CASS4: variants seen among roughly 807,000 people sequenced by gnomAD.
The protein encoded by CASS4 is Cas scaffold protein family member 4, also known as cas scaffolding protein family member 4.
A neutral mutation model predicts 54.2 loss-of-function variants in CASS4; 22 were observed. The observed-to-expected ratio is 0.41, with a 90% CI of 0.29 to 0.58. CASS4 has a LOEUF of 0.58. Among genes scored for constraint, CASS4 ranks in the 20% least tolerant of loss-of-function variants. The pLI is 0.36. For missense variants in CASS4, 854 were observed against 986.7 expected (o/e 0.87, Z 1.80); for synonymous variants, 409 against 391.5 (o/e 1.04, Z -0.53).
intron 2 of CASS4, among the ~76,000 whole-genome samples, chr20:56,445,570 G>A (rs1472004505): frequency 1.3e-5 from 2 of 152,218 alleles, no homozygotes; most frequent in East Asian, 3.9e-4. Context: ...TGTTAACACT[G>A]CAGGTTCCCG....
rs539446230 is a variant in CASS4, at chr20:56,437,914, C to T, written c.459+328C>T. Among the ~76,000 whole-genome samples, 4 of 152,144 alleles carry T rather than the reference C, an allele frequency of 2.6e-5. No homozygotes were observed. The highest frequency in any genetic ancestry group is 5.9e-5 in the Non-Finnish European group (4 of 68,026). On this transcript the variant is annotated intron_variant, in intron 2 of 5. Transcript: ENST00000679887. The surrounding 1 kb of genome is among the most constrained non-coding windows in gnomAD (Gnocchi z 4.7). Reference sequence around the variant, plus strand: ...GCACCCTTTTCACAGGATGAAGGATCACCAGGACTGCCAGTGACAAATGGG... The same window carrying T: ...GCACCCTTTTCACAGGATGAAGGATTACCAGGACTGCCAGTGACAAATGGG...
Position 56,437,366 on chromosome 20 carries a change from G to T in CASS4, c.239G>T (p.Cys80Phe). ...ACGGAGGTCGCTGCAGACAGGCCGTGCCCCCCATTCCTGAGAGGCCTGGAA... is the reference window on the plus strand; with the variant it reads ...ACGGAGGTCGCTGCAGACAGGCCGTTCCCCCCATTCCTGAGAGGCCTGGAA... The part of the protein sequence containing the change: ...ILTEVAADRP[C>F]PPFLRGLEEA... Residue 80 changes from cysteine (C) to phenylalanine (F), a missense_variant, in exon 2 of 6, where the codon TGC becomes TTC. Physicochemically the swap from Cys to Phe is radical, Grantham distance 205. Coordinates refer to ENST00000679887, the MANE Select transcript of CASS4 (RefSeq NM_020356.4). The surrounding 1 kb of genome is among the most constrained non-coding windows in gnomAD (Gnocchi z 4.7). The T allele has an allele frequency of 5.6e-6, 9 of 1,614,128 alleles. No individual in the cohort carries two copies. Among genetic ancestry groups the T allele is most frequent in the Non-Finnish European group, 7.6e-6 (9 of 1,180,006 alleles).
chr20:56,425,657 T>G (rs1311526519), intron 1 of CASS4, among the ~76,000 whole-genome samples: 1 of 152,240 alleles, frequency 6.6e-6, no homozygotes, highest in Non-Finnish European at 1.5e-5. Context: ...AAGCAGCTGC[T>G]TAAATTCACC....
In CASS4 at chr20:56,412,818, T is replaced by G. The variant is rs775104414; in HGVS notation, c.36+324T>G. Among the ~76,000 whole-genome samples, 11 of 152,154 alleles carry G rather than the reference T, an allele frequency of 7.2e-5. No individual in the cohort carries two copies. Among genetic ancestry groups the G allele is most frequent in the Non-Finnish European group, 1.3e-4 (9 of 68,024 alleles). On this transcript the variant is annotated intron_variant, in intron 1 of 5. Coordinates refer to ENST00000679887, the MANE Select transcript of CASS4 (RefSeq NM_020356.4). The surrounding 1 kb of genome is among the most constrained non-coding windows in gnomAD (Gnocchi z 4.2). Reference sequence around the variant, plus strand: ...GCCTCAGCCCCCGCTAATTCCTTCTTTCTCTGGACCCCAAAGACACTCAGT... The same window carrying G: ...GCCTCAGCCCCCGCTAATTCCTTCTGTCTCTGGACCCCAAAGACACTCAGT...
intron 4 of CASS4, among the ~76,000 whole-genome samples, chr20:56,451,120 C>T (rs1255780829): frequency 6.6e-6 from 1 of 151,870 alleles, no homozygotes; most frequent in African/African-American, 2.4e-5. Context: ...GAGGTAAAAC[C>T]TCTCATTGCA....
chr20:56,426,285 T>TCA (rs1161868191), intron 1 of CASS4, among the ~76,000 whole-genome samples: 3 of 152,222 alleles, frequency 2.0e-5, no homozygotes, highest in African/African-American at 7.2e-5. Flanking sequence ...AGATGTTAGT[T>TCA]ATAGTACCTG....
chr20:56,444,538 G>C (rs1213489857), intron 2 of CASS4, among the ~76,000 whole-genome samples: 1 of 152,096 alleles, frequency 6.6e-6, no homozygotes, highest in African/African-American at 2.4e-5. Context: ...AAAAATGTGC[G>C]CATTCCTAGT....
chr20:56,412,271 T>C lies in CASS4; in HGVS notation c.-188T>C, dbSNP rs572400550. 7.7e-6 allele frequency: 5 copies of C among 645,628 alleles called. No individual in the cohort carries two copies. Among genetic ancestry groups the C allele is most frequent in the Admixed American group, 2.8e-5 (1 of 35,884 alleles). 40.0% of individuals were successfully genotyped at this position (645,628 alleles called of 1,614,324 possible). On this transcript the variant is annotated 5_prime_UTR_variant, in exon 1 of 6. Coordinates refer to ENST00000679887, the MANE Select transcript of CASS4 (RefSeq NM_020356.4). This position sits in a 1 kb window ranked among gnomAD's most constrained non-coding sequence, Gnocchi z 4.2. ...TGCTTCACTGCTTTCATTTTACTCTTATCGTGCTTTCCAGAAAGTTTGCCT... is the reference window on the plus strand; with the variant it reads ...TGCTTCACTGCTTTCATTTTACTCTCATCGTGCTTTCCAGAAAGTTTGCCT...
At position 56,452,087 on chromosome 20, in the gene CASS4, T is replaced by G; in HGVS notation, c.911T>G (p.Leu304Arg). 6.2e-7 allele frequency: 1 copy of G among 1,614,140 alleles called. No homozygotes were observed. The highest frequency in any genetic ancestry group is 8.5e-7 in the Non-Finnish European group (1 of 1,180,034). Residue 304 changes from leucine to arginine, a missense_variant, in exon 5 of 6, where the codon CTC becomes CGC. Transcript: ENST00000679887. The part of the protein sequence containing the change: ...LNNNVPMQKK[L>R]SLPEIPSYGF... ...AACAATGTGCCCATGCAGAAAAAAC[T>G]CAGCCTTCCAGAAATTCCTTCTTAT...
At chr20:56,438,148 A>C (rs559748537) in intron 2 of CASS4, among the ~76,000 whole-genome samples, 3 of 151,966 alleles carry the variant, frequency 2.0e-5, no homozygotes, top group Non-Finnish European at 4.4e-5. Flanking sequence ...ATTAGCCAGC[A>C]TAGTAGCACA....
chr20:56,456,701 C>A (rs1330505319), intron 5 of CASS4, among the ~76,000 whole-genome samples: 1 of 150,792 alleles, frequency 6.6e-6, no homozygotes, highest in Non-Finnish European at 1.5e-5. Context: ...TTTTTTGAGA[C>A]AGTGTTTTGC....
rs1186815885 is a variant in CASS4, at chr20:56,452,221, A to G, written c.1045A>G (p.Ile349Val). The change falls in exon 5 of 6, where the codon ATT (isoleucine) becomes GTT (valine). Residue 349 changes from isoleucine (I) to valine (V), a missense_variant. Transcript: ENST00000679887. Reference protein sequence around the residue: ...RVEQQNTKPNIYDIPKATSSV... With the variant: ...RVEQQNTKPNVYDIPKATSSV... ...GGAACAGCAGAACACCAAGCCCAAT[A>G]TTTATGACATCCCTAAAGCAACGTC... 1 of 1,614,096 alleles carries G rather than the reference A, an allele frequency of 6.2e-7. No homozygotes were observed. Among genetic ancestry groups the G allele is most frequent in the South Asian group, 1.1e-5 (1 of 91,086 alleles).
intron 1 of CASS4, among the ~76,000 whole-genome samples, chr20:56,425,887 A>G (rs1365791381): frequency 6.6e-6 from 1 of 152,222 alleles, no homozygotes; most frequent in East Asian, 1.9e-4. Context: ...GAAAGATGCT[A>G]TACTTATAAA....
chr20:56,430,363 T>A lies in CASS4; in HGVS notation c.37-6801T>A, dbSNP rs1979847109. 6.6e-6 allele frequency among the ~76,000 whole-genome samples: 1 copy of A among 152,228 alleles called. No individual in the cohort carries two copies. Among genetic ancestry groups the A allele is most frequent in the Admixed American group, 6.5e-5 (1 of 15,284 alleles). On this transcript the variant is annotated intron_variant, in intron 1 of 5. Transcript: ENST00000679887. The surrounding 1 kb of genome is among the most constrained non-coding windows in gnomAD (Gnocchi z 4.2). ...TATGAAGATGGGCATTTGGGGGAAATGTCCTTTTTGGAAATCGTTTAAGAA... is the reference window on the plus strand; with the variant it reads ...TATGAAGATGGGCATTTGGGGGAAAAGTCCTTTTTGGAAATCGTTTAAGAA...
intron 3 of CASS4, among the ~76,000 whole-genome samples, chr20:56,446,884 C>T (rs1372807476): frequency 6.6e-6 from 1 of 152,126 alleles, no homozygotes; most frequent in Admixed American, 6.6e-5. Flanking sequence ...TTCAAGCAGG[C>T]TCTGTGACTT....
At chr20:56,427,917 TTAG>T (rs1979720986) in intron 1 of CASS4, among the ~76,000 whole-genome samples, 1 of 152,174 alleles carries the variant, frequency 6.6e-6, no homozygotes, top group South Asian at 2.1e-4. Context: ...AAGAAGGATC[TTAG>T]TAGAAGAAAA....
At chr20:56,457,020 C>T (rs1447862343) in intron 5 of CASS4, among the ~76,000 whole-genome samples, 1 of 152,168 alleles carries the variant, frequency 6.6e-6, no homozygotes, top group Non-Finnish European at 1.5e-5. Context: ...TCCAAGAGTC[C>T]ATGTGAACTG....
chr20:56,432,723 A>G (rs1003147210), intron 1 of CASS4, among the ~76,000 whole-genome samples: 2 of 152,152 alleles, frequency 1.3e-5, no homozygotes, highest in Admixed American at 1.3e-4. Flanking sequence ...CTAGTCCCTT[A>G]AATACTTCAT....
intron 1 of CASS4, among the ~76,000 whole-genome samples, chr20:56,432,355 CTTTTTTTT>C (rs922336949): frequency 8.4e-4 from 85 of 101,064 alleles, no homozygotes; most frequent in African/African-American, 3.3e-3. Context: ...TTCATAAGTC[CTTTTTTTT>C]TTTTTTTTTT....
Sources: allele counts gnomAD v4.1 joint callset (sites outside exome capture counted in the v4.1 genomes callset), GRCh38; gene constraint gnomAD v4.1.1; non-coding constraint Gnocchi (gnomAD v3.1); transcripts MANE v1.5; gene names NCBI Gene and HGNC (gene_info 2026-07-23, HGNC 2026-07-21).